ATP9A: variants seen among roughly 807,000 people sequenced by gnomAD.
ATP9A encodes the protein ATPase phospholipid transporting 9A, also known as probable phospholipid-transporting ATPase IIA.
A neutral mutation model predicts 144.1 loss-of-function variants in ATP9A; 52 were observed. The observed-to-expected ratio is 0.36, with a 90% CI of 0.29 to 0.45. The LOEUF (loss-of-function observed/expected upper bound fraction) is 0.45. Among genes scored for constraint, ATP9A ranks in the 20% least tolerant of loss-of-function variants. The pLI, the probability that ATP9A is intolerant of heterozygous loss-of-function variation, is 1.00. For missense variants in ATP9A, 947 were observed against 1,392.7 expected, an observed-to-expected ratio of 0.68 and a Z score of 5.09; for synonymous variants, 582 against 557.4, an observed-to-expected ratio of 1.04 and a Z score of -0.62.
intron 22 of ATP9A, among the ~76,000 whole-genome samples, chr20:51,615,069 T>G (rs947112396): frequency 5.2e-4 from 41 of 79,420 alleles, no homozygotes; most frequent in Non-Finnish European, 1.2e-4. Context: ...GTATCGATGT[T>G]ACATGGGGTG....
At chr20:51,619,576 A>AAAG (rs1491505929) in intron 19 of ATP9A, among the ~76,000 whole-genome samples, 11 of 86,624 alleles carry the variant, frequency 1.3e-4, no homozygotes, top group Non-Finnish European at 2.3e-4. Flanking sequence ...AAAAAAAAAA[A>AAAG]GGGGGGGGGG....
chr20:51,625,407 G>A, intron 17 of ATP9A, 45 bp from the exon 18 acceptor site: 2 of 1,575,470 alleles, frequency 1.3e-6, no homozygotes, highest in Non-Finnish European at 1.7e-6. Flanking sequence ...GGTGAGGAGA[G>A]GCCAGGCTGA....
At chr20:51,690,036 C>T (rs1264901029) in intron 8 of ATP9A, among the ~76,000 whole-genome samples, 4 of 139,972 alleles carry the variant, frequency 2.9e-5, no homozygotes, top group South Asian at 4.7e-4. Context: ...CACTTGAACC[C>T]GGGAGGCAGA....
intron 3 of ATP9A, among the ~76,000 whole-genome samples, chr20:51,713,644 G>T (rs1368160002): frequency 2.0e-5 from 3 of 152,200 alleles, no homozygotes; most frequent in Non-Finnish European, 1.5e-5. Context: ...AGAAACTTAG[G>T]TGGATGGAGC....
intron 14 of ATP9A, among the ~76,000 whole-genome samples, chr20:51,653,870 A>G (rs1474230262): frequency 3.3e-5 from 5 of 152,180 alleles, no homozygotes; most frequent in African/African-American, 1.2e-4. Flanking sequence ...ATAAAATAAA[A>G]TAAATTTGAA....
intron 27 of ATP9A, among the ~76,000 whole-genome samples, chr20:51,602,263 T>C (rs532363672): frequency 6.6e-6 from 1 of 152,272 alleles, no homozygotes; most frequent in Admixed American, 6.5e-5. Flanking sequence ...GCTTTCAATA[T>C]AGCAGAAGCC....
Position 51,682,075 on chromosome 20 carries a change from G to T in ATP9A, c.800-5867C>A, listed in dbSNP as rs1231433269. 2.0e-5 allele frequency among the ~76,000 whole-genome samples: 3 copies of T among 151,964 alleles called. No individual in the cohort carries two copies. In the East Asian group the frequency reaches 5.8e-4, roughly 29 times the overall value. On this transcript the variant is annotated intron_variant, in intron 9 of 27. Transcript: ENST00000338821. ...TGCTAGTCACACAAATGTGTTACCT[G>T]TGTTAAAATCCATCAAGCATAGGGT... is the stretch of plus-strand genomic sequence containing the variant.
intron 24 of ATP9A, among the ~76,000 whole-genome samples, chr20:51,609,525 G>T (rs2077177048): frequency 6.6e-6 from 1 of 152,196 alleles, no homozygotes; most frequent in African/African-American, 2.4e-5. Flanking sequence ...CACATTCTCT[G>T]AAAAGGTCAG....
chr20:51,759,043 G>A (rs1307123644), intron 1 of ATP9A, among the ~76,000 whole-genome samples: 2 of 152,224 alleles, frequency 1.3e-5, no homozygotes, highest in East Asian at 1.9e-4. Context: ...TGGTCTCCAC[G>A]TGGGCAGAGA....
chr20:51,666,544 G>T (rs1025397485), intron 13 of ATP9A, among the ~76,000 whole-genome samples: 3 of 152,048 alleles, frequency 2.0e-5, no homozygotes, highest in Non-Finnish European at 4.4e-5. Flanking sequence ...AGCCGGGCGT[G>T]GTGGCAGGTG....
intron 4 of ATP9A, among the ~76,000 whole-genome samples, chr20:51,702,137 A>T (rs1415797489): frequency 6.6e-6 from 1 of 151,956 alleles, no homozygotes; most frequent in Non-Finnish European, 1.5e-5. Flanking sequence ...GTCTCCACTA[A>T]AAATATATAA....
Position 51,601,293 on chromosome 20 carries a change from A to G in ATP9A, c.3062T>C (p.Leu1021Pro), listed in dbSNP as rs2077141969. 6.2e-7 allele frequency: 1 copy of G among 1,613,796 alleles called. No homozygotes were observed. The highest frequency in any genetic ancestry group is 8.5e-7 in the Non-Finnish European group (1 of 1,179,862). The part of the protein sequence containing the change: ...SFLWKVSVIT[L>P]VSCLPLYVLK... ...GACATAGAGGGGGAGGCAGCTGACC[A>G]GAGTGATGACGGAGACTTTCCACAA... The change falls in exon 28 of 28, where the codon CTG becomes CCG. Residue 1021 changes from leucine to proline, a missense_variant. By Grantham distance (98) the Leu-to-Pro change is moderately conservative. Coordinates refer to ENST00000338821, the MANE Select transcript of ATP9A (RefSeq NM_006045.3).
In ATP9A at chr20:51,657,205, G is replaced by A. The variant is rs2077390779; in HGVS notation, c.1294-55C>T. The A allele has an allele frequency of 4.7e-6, 7 of 1,485,496 alleles. No individual in the cohort carries two copies. The South Asian group carries it at 8.0e-5, about 17-fold the overall frequency. 92.0% of individuals were successfully genotyped at this position (1,485,496 alleles called of 1,614,324 possible). ...TGACCAGAGGCAGGAATGATTTGGA[G>A]AGTGGAAGAACAGCCGTGCAGCTAT... On this transcript the variant is annotated intron_variant, in intron 13 of 27. Transcript: ENST00000338821.
intron 3 of ATP9A, among the ~76,000 whole-genome samples, chr20:51,716,677 TAAC>T (rs2077663324): frequency 6.6e-6 from 1 of 151,676 alleles, no homozygotes; most frequent in South Asian, 2.1e-4. Context: ...ATTTAAAACT[TAAC>T]AATGAAAAAC....
chr20:51,638,707 TA>T (rs1568797329), intron 15 of ATP9A, among the ~76,000 whole-genome samples: 1 of 151,952 alleles, frequency 6.6e-6, no homozygotes, highest in South Asian at 2.1e-4. Context: ...TATAAAAAAT[TA>T]AAAAATGAGT....
intron 1 of ATP9A, among the ~76,000 whole-genome samples, chr20:51,765,429 T>C (rs1267696606): frequency 6.6e-6 from 1 of 151,798 alleles, no homozygotes; most frequent in East Asian, 1.9e-4. Context: ...CCAAGGTGGG[T>C]GGATCACCTG....
intron 4 of ATP9A, 63 bp from the exon 5 acceptor site, chr20:51,697,545 ACAGAGTGCC>A: frequency 6.6e-7 from 1 of 1,512,948 alleles, no homozygotes. Context: ...ACACGTCTTT[ACAGAGTGCC>A]CAGCCTGCAA....
intron 14 of ATP9A, among the ~76,000 whole-genome samples, chr20:51,654,661 G>A (rs576610031): frequency 6.6e-6 from 1 of 152,188 alleles, no homozygotes; most frequent in Admixed American, 6.5e-5. Flanking sequence ...CGAGTTCAGG[G>A]CTGCAGTGAG....
intron 13 of ATP9A, among the ~76,000 whole-genome samples, chr20:51,666,649 C>T (rs1460116095): frequency 6.7e-6 from 1 of 148,402 alleles, no homozygotes; most frequent in Non-Finnish European, 1.5e-5. Context: ...CCCTGTACCT[C>T]AGCCTGGGCA....
Sources: allele counts gnomAD v4.1 joint callset (sites outside exome capture counted in the v4.1 genomes callset), GRCh38; gene constraint gnomAD v4.1.1; transcripts MANE v1.5; gene names NCBI Gene and HGNC (gene_info 2026-07-23, HGNC 2026-07-21).